Variants in SLC39A11 observed in about 807,000 individuals in gnomAD.
The protein encoded by SLC39A11 is zinc transporter ZIP11.
Under a neutral mutation model 36.1 loss-of-function variants are expected in SLC39A11, and 33 were observed. That is an observed-to-expected ratio of 0.91 (90% CI 0.69 to 1.22). The LOEUF is 1.22. Ranked by LOEUF, SLC39A11 falls within the 50% of genes most tolerant of loss-of-function variation. The pLI is 0.00. For synonymous variants in SLC39A11, 166 were observed against 170.3 expected (o/e 0.97, Z 0.20); for missense variants, 432 against 430.3 (o/e 1.00, Z -0.03).
chr17:72,990,229 C>T (rs544768905), intron 4 of SLC39A11, among the ~76,000 whole-genome samples: 1 of 152,280 alleles, frequency 6.6e-6, no homozygotes, highest in South Asian at 2.1e-4. Flanking sequence ...ATAAATTATT[C>T]CAACCAGTTA....
At chr17:72,849,555 C>T in intron 6 of SLC39A11, 79 bp downstream of exon 6, 4 of 1,359,606 alleles carry the variant, frequency 2.9e-6, no homozygotes, top group Non-Finnish European at 3.8e-6. Flanking sequence ...GCCCCTTCCC[C>T]TTTTCCAGCC....
chr17:73,008,365 A>G (rs989557337), intron 4 of SLC39A11, among the ~76,000 whole-genome samples: 1 of 152,144 alleles, frequency 6.6e-6, no homozygotes, highest in African/African-American at 2.4e-5. Context: ...GGCACTTACA[A>G]TGAAAGCTAG....
At chr17:72,781,796 A>C (rs940278581) in intron 6 of SLC39A11, among the ~76,000 whole-genome samples, 1 of 152,104 alleles carries the variant, frequency 6.6e-6, no homozygotes, top group African/African-American at 2.4e-5. Flanking sequence ...TTCTTGAAAA[A>C]GAGCAGATGC....
At chr17:72,711,379 C>T (rs2073099108) in intron 7 of SLC39A11, among the ~76,000 whole-genome samples, 1 of 152,158 alleles carries the variant, frequency 6.6e-6, no homozygotes, top group East Asian at 1.9e-4. Flanking sequence ...TCTTTACTCC[C>T]TCTGCCTCCA....
intron 5 of SLC39A11, among the ~76,000 whole-genome samples, chr17:72,886,439 C>T (rs940669527): frequency 3.3e-5 from 5 of 152,090 alleles, no homozygotes; most frequent in Admixed American, 2.0e-4. Context: ...AAGAATCCTC[C>T]TCCTCCTTTC....
intron 4 of SLC39A11, among the ~76,000 whole-genome samples, chr17:72,982,893 C>T (rs1367055950): frequency 6.6e-6 from 1 of 152,160 alleles, no homozygotes. Context: ...GACAGGGCTG[C>T]AAGTGTTTGG....
chr17:72,653,010 G>A lies in SLC39A11; in HGVS notation c.672-3742C>T, dbSNP rs535555487. ...CCCAGTAAATGTCTGGAGGCTGGAC[G>A]CTTCCCTGGGCACAGAGGAGGGGAG... On this transcript the variant is annotated intron_variant, in intron 7 of 9. Transcript: ENST00000255559. Among the ~76,000 whole-genome samples, 28 of 152,196 alleles carry A rather than the reference G, an allele frequency of 1.8e-4. 1 individual carries two copies. The highest frequency in any genetic ancestry group is 3.3e-4 in the Admixed American group (5 of 15,292).
At chr17:73,037,939 G>C (rs563281653) in intron 3 of SLC39A11, among the ~76,000 whole-genome samples, 25 of 152,328 alleles carry the variant, frequency 1.6e-4, no homozygotes, top group African/African-American at 5.8e-4. Flanking sequence ...AAGAAAACTC[G>C]TGGCAGGGCA....
intron 7 of SLC39A11, among the ~76,000 whole-genome samples, chr17:72,667,063 C>A (rs758439134): frequency 1.3e-5 from 2 of 152,110 alleles, no homozygotes; most frequent in Non-Finnish European, 2.9e-5. Flanking sequence ...CAATAGAGAG[C>A]CTTTGAGTCA....
At chr17:73,088,843 G>T (rs2144913463) in intron 1 of SLC39A11, 68 bp from the exon 2 acceptor site, 1 of 1,156,858 alleles carries the variant, frequency 8.6e-7, no homozygotes. Flanking sequence ...TATTCTGACG[G>T]GTCCTAACAC....
chr17:73,035,410 G>A (rs970464640), intron 3 of SLC39A11, among the ~76,000 whole-genome samples: 34 of 152,130 alleles, frequency 2.2e-4, no homozygotes, highest in Non-Finnish European at 2.5e-4. Context: ...AAAGTGCTGG[G>A]ATTACAGGTG....
At chr17:72,779,747 C>T (rs1035937951) in intron 6 of SLC39A11, among the ~76,000 whole-genome samples, 1 of 152,178 alleles carries the variant, frequency 6.6e-6, no homozygotes, top group African/African-American at 2.4e-5. Flanking sequence ...ACTTGTGATC[C>T]CCGGACTTCT....
intron 4 of SLC39A11, among the ~76,000 whole-genome samples, chr17:73,025,573 A>C (rs780564696): frequency 5.9e-5 from 9 of 152,206 alleles, no homozygotes; most frequent in Non-Finnish European, 8.8e-5. Context: ...TCATCAATAA[A>C]AATCATTTCA....
intron 3 of SLC39A11, among the ~76,000 whole-genome samples, chr17:73,059,609 C>T (rs6501597): frequency 0.42 from 63,255 of 149,670 alleles, 13,698 homozygotes; most frequent in Non-Finnish European, 0.46. Flanking sequence ...AAGCCGAGAT[C>T]GCGCCATTGC....
At chr17:72,932,039 G>A (rs556001319) in intron 5 of SLC39A11, among the ~76,000 whole-genome samples, 4 of 152,112 alleles carry the variant, frequency 2.6e-5, no homozygotes, top group East Asian at 1.9e-4. Flanking sequence ...TATATTTTTC[G>A]TTAACCTCAC....
At chr17:72,748,469 C>T (rs920010768) in intron 6 of SLC39A11, among the ~76,000 whole-genome samples, 1 of 152,060 alleles carries the variant, frequency 6.6e-6, no homozygotes, top group East Asian at 1.9e-4. Context: ...TTGGCATATC[C>T]GATTGTTTCA....
chr17:72,940,432 C>T (rs983631894), intron 5 of SLC39A11, among the ~76,000 whole-genome samples: 1 of 152,198 alleles, frequency 6.6e-6, no homozygotes. Context: ...TGTGCCAACA[C>T]GCTCGGCTAA....
rs116966313 is a variant in SLC39A11, at chr17:72,893,976, T to C, written c.431-44172A>G. 9.5e-3 allele frequency among the ~76,000 whole-genome samples: 1,449 copies of C among 152,294 alleles called. 7 individuals are homozygous for C. Among genetic ancestry groups the C allele is most frequent in the Non-Finnish European group, 0.016 (1,071 of 68,016 alleles). On this transcript the variant is annotated intron_variant, in intron 5 of 9. Coordinates refer to ENST00000255559, the MANE Select transcript of SLC39A11 (RefSeq NM_139177.4). ...GGATATACAGACAGGTGCTGTATAGTGTCTGAACCTTTAGAACCAAGCAGT... is the reference window on the plus strand; with the variant it reads ...GGATATACAGACAGGTGCTGTATAGCGTCTGAACCTTTAGAACCAAGCAGT...
At chr17:72,784,028 G>T (rs907051419) in intron 6 of SLC39A11, among the ~76,000 whole-genome samples, 3 of 152,092 alleles carry the variant, frequency 2.0e-5, no homozygotes, top group African/African-American at 4.8e-5. Flanking sequence ...TACAAGCAAA[G>T]AAAGTATGAA....
Sources: allele counts gnomAD v4.1 joint callset (sites outside exome capture counted in the v4.1 genomes callset), GRCh38; gene constraint gnomAD v4.1.1; transcripts MANE v1.5; gene names NCBI Gene and HGNC (gene_info 2026-07-23, HGNC 2026-07-21).